The following HIVEP3 variants were observed in gnomAD, a reference collection of about 807,000 sequenced individuals.
HIVEP3 encodes the protein transcription factor HIVEP3.
In HIVEP3, 49 loss-of-function variants were observed where a neutral mutation model predicts 152.8. That is an observed-to-expected ratio of 0.32 (90% confidence interval 0.26 to 0.41). HIVEP3 has a LOEUF of 0.41. Ranked by LOEUF, HIVEP3 falls within the 10% of genes least tolerant of loss-of-function variation. The probability of loss-of-function intolerance (pLI) is 1.00; values close to 1 mark genes in which losing one functional copy is unlikely to be tolerated. For missense variants in HIVEP3, 2,790 were observed against 3,103.3 expected, an observed-to-expected ratio of 0.90 and a Z score of 2.40; for synonymous variants, 1,269 against 1,289.0, an observed-to-expected ratio of 0.98 and a Z score of 0.33.
intron 1 of HIVEP3, chr1:41,869,566 A>C (rs905914468): frequency 1.3e-5 from 2 of 152,280 alleles, no homozygotes; most frequent in Admixed American, 1.3e-4. Flanking sequence ...AAAGGTTTCC[A>C]TGTTTGATGA....
rs757339026 is a variant in HIVEP3 at position 41,585,480 on chromosome 1, G to C, written c.-521-162C>G. On this transcript the variant is annotated intron_variant, in intron 3 of 8. Transcript: ENST00000372583. ...AAACTCAAGCAGAACCACAGGCTCC[G>C]GCTCCACATGTCCAAGCCCTGCAAT... 9.2e-5 allele frequency among the ~76,000 whole-genome samples: 14 copies of C among 152,166 alleles called. No individual in the cohort carries two copies. In the East Asian group the frequency reaches 1.5e-3, roughly 17 times the overall value.
At chr1:41,587,664 T>G (rs1644525004) in intron 3 of HIVEP3, among the ~76,000 whole-genome samples, 1 of 152,230 alleles carries the variant, frequency 6.6e-6, no homozygotes, top group South Asian at 2.1e-4. Context: ...TGATAGATTC[T>G]TAGAGACTGA....
chr1:41,933,639 G>A (rs1325136010), intron 1 of HIVEP3, among the ~76,000 whole-genome samples: 2 of 152,006 alleles, frequency 1.3e-5, no homozygotes, highest in African/African-American at 2.4e-5. Flanking sequence ...CTTTTAACTG[G>A]TATGTTTAGA....
chr1:41,918,000 C>G (rs926613585), intron 1 of HIVEP3, among the ~76,000 whole-genome samples: 1 of 152,230 alleles, frequency 6.6e-6, no homozygotes, highest in African/African-American at 2.4e-5. Flanking sequence ...ATGCCTAAGC[C>G]CCCCAGCCGA....
chr1:41,661,616 G>A (rs1359451310), intron 2 of HIVEP3, among the ~76,000 whole-genome samples: 2 of 152,206 alleles, frequency 1.3e-5, no homozygotes, highest in African/African-American at 2.4e-5. Flanking sequence ...CACTCCCAAT[G>A]AGCCCCGAGG....
At chr1:41,732,729 A>T (rs1486867450) in intron 1 of HIVEP3, among the ~76,000 whole-genome samples, 1 of 151,940 alleles carries the variant, frequency 6.6e-6, no homozygotes, top group East Asian at 1.9e-4. Flanking sequence ...CAGCACCTGG[A>T]CCGCGACGCT....
chr1:41,918,051 C>T lies in HIVEP3; in HGVS notation c.-801+362G>A, dbSNP rs1163590514. ...GGCCGCCAGTGCGCGGGTGCAGAGC[C>T]CAGCAGAGCCTGCTGCAAGCAGCGC... On this transcript the variant is annotated intron_variant, in intron 1 of 8. Transcript: ENST00000372583. This position sits in a 1 kb window ranked among gnomAD's most constrained non-coding sequence, Gnocchi z 4.3. Among the ~76,000 whole-genome samples, 1 of 152,208 alleles carries T rather than the reference C, an allele frequency of 6.6e-6. No homozygotes were observed. The highest frequency in any genetic ancestry group is 1.5e-5 in the Non-Finnish European group (1 of 68,028).
intron 1 of HIVEP3, among the ~76,000 whole-genome samples, chr1:41,787,427 T>C (rs980369470): frequency 2.6e-5 from 4 of 152,182 alleles, no homozygotes; most frequent in African/African-American, 9.6e-5. Flanking sequence ...GATCTGGGCA[T>C]ACCCCCTCCC....
At chr1:41,762,483 G>C (rs987062092) in intron 1 of HIVEP3, among the ~76,000 whole-genome samples, 2 of 152,218 alleles carry the variant, frequency 1.3e-5, no homozygotes, top group African/African-American at 4.8e-5. Flanking sequence ...GTGGACTAAA[G>C]GAGCTGTTAG....
chr1:41,868,199 T>G (rs1220967534), intron 1 of HIVEP3, among the ~76,000 whole-genome samples: 3 of 148,060 alleles, frequency 2.0e-5, no homozygotes, highest in African/African-American at 7.7e-5. Flanking sequence ...TTGTGGGGGT[T>G]TTTTTTTTTT....
intron 1 of HIVEP3, among the ~76,000 whole-genome samples, chr1:41,766,031 C>G (rs1258023888): frequency 6.6e-6 from 1 of 152,194 alleles, no homozygotes; most frequent in Non-Finnish European, 1.5e-5. Flanking sequence ...TGGGCTTGGC[C>G]GCTGCTGCAG....
intron 5 of HIVEP3, among the ~76,000 whole-genome samples, chr1:41,546,091 G>A (rs953024579): frequency 2.6e-5 from 4 of 152,228 alleles, no homozygotes; most frequent in Non-Finnish European, 4.4e-5. Flanking sequence ...TGTGCCTGGA[G>A]CATGTAAGTC....
intron 1 of HIVEP3, among the ~76,000 whole-genome samples, chr1:41,802,819 C>T (rs1435423611): frequency 6.6e-6 from 1 of 152,196 alleles, no homozygotes; most frequent in Non-Finnish European, 1.5e-5. Context: ...TCTTTCTTCC[C>T]AGTCCCATCC....
At chr1:41,635,782 A>G (rs1172351983) in intron 2 of HIVEP3, among the ~76,000 whole-genome samples, 3 of 152,166 alleles carry the variant, frequency 2.0e-5, no homozygotes, top group African/African-American at 7.2e-5. Flanking sequence ...AAGGTGATGT[A>G]AACATATACG....
At chr1:41,868,457 C>T (rs991204911) in intron 1 of HIVEP3, among the ~76,000 whole-genome samples, 1 of 152,144 alleles carries the variant, frequency 6.6e-6, no homozygotes, top group African/African-American at 2.4e-5. Context: ...CCTCCTCCCC[C>T]GCCTTAGTAG....
intron 1 of HIVEP3, among the ~76,000 whole-genome samples, chr1:41,841,872 T>C (rs1424382813): frequency 1.3e-5 from 2 of 152,106 alleles, no homozygotes; most frequent in Non-Finnish European, 2.9e-5. Context: ...GGTGGATCAC[T>C]TGAGGTCAGG....
intron 2 of HIVEP3, among the ~76,000 whole-genome samples, chr1:41,655,958 T>C (rs374374745): frequency 1.8e-4 from 28 of 152,318 alleles, no homozygotes; most frequent in African/African-American, 6.3e-4. Flanking sequence ...AACATACTGT[T>C]GAATTCAAAT....
intron 5 of HIVEP3, among the ~76,000 whole-genome samples, chr1:41,530,466 A>G (rs974253249): frequency 6.6e-6 from 1 of 152,204 alleles, no homozygotes; most frequent in Non-Finnish European, 1.5e-5. Flanking sequence ...CCTGGTGGCC[A>G]GGGAAGATGG....
At chr1:41,963,747 C>A (rs1645182337) in intron 1 of HIVEP3, among the ~76,000 whole-genome samples, 2 of 152,132 alleles carry the variant, frequency 1.3e-5, no homozygotes, top group African/African-American at 4.8e-5. Flanking sequence ...GCTTCCTAAG[C>A]ATGAAGAAGC....
Sources: gnomAD v4.1 joint callset for allele counts (sites outside exome capture counted in the v4.1 genomes callset) on GRCh38, gnomAD v4.1.1 for gene constraint, Gnocchi (gnomAD v3.1) non-coding constraint, MANE v1.5 for transcripts, NCBI Gene and HGNC (gene_info 2026-07-23, HGNC 2026-07-21) for gene names.